The following ARHGEF3 variants were observed in gnomAD, a reference collection of about 807,000 sequenced individuals.
ARHGEF3 encodes the protein 59.8 kDA protein.
A neutral mutation model predicts 63.2 loss-of-function variants in ARHGEF3; 28 were observed. The observed-to-expected ratio is 0.44, with a 90% CI of 0.33 to 0.61. The LOEUF (loss-of-function observed/expected upper bound fraction) is 0.61. Among genes scored for constraint, ARHGEF3 ranks in the 20% least tolerant of loss-of-function variants. The pLI is 0.03. For missense variants in ARHGEF3, 533 were observed against 659.3 expected, an observed-to-expected ratio of 0.81 and a Z score of 2.10; for synonymous variants, 266 against 254.2, an observed-to-expected ratio of 1.05 and a Z score of -0.44.
At chr3:56,941,277 G>A (rs1417158094) in intron 3 of ARHGEF3, among the ~76,000 whole-genome samples, 1 of 152,182 alleles carries the variant, frequency 6.6e-6, no homozygotes, top group Non-Finnish European at 1.5e-5. Flanking sequence ...GCATGATCTT[G>A]GCTCACTGCA....
At chr3:56,898,579 A>T (rs1336444437) in intron 3 of ARHGEF3, 2 of 266,700 alleles carry the variant, frequency 7.5e-6, no homozygotes, top group South Asian at 2.9e-5. Flanking sequence ...CCCCTAAAGC[A>T]GATCCTGGAG....
rs189466348 is a variant in ARHGEF3 at position 57,076,509 on chromosome 3, C to A, written c.-28+2717G>T. On this transcript the variant is annotated intron_variant, in intron 1 of 12. Transcript: ENST00000338458. ...TACAGGGACTACATCTGGTTCTCTG[C>A]CCCCTCTCCTCCAATGGTTCTCTGT... Among the ~76,000 whole-genome samples, 6 of 152,240 alleles carry A rather than the reference C, an allele frequency of 3.9e-5. No homozygotes were observed. The East Asian group carries it at 1.2e-3, about 29-fold the overall frequency.
chr3:56,893,811 C>CAAAAAAAAA (rs537483698), intron 3 of ARHGEF3, among the ~76,000 whole-genome samples: 7 of 79,560 alleles, frequency 8.8e-5, no homozygotes, highest in South Asian at 6.0e-4. Flanking sequence ...GACTCTGTCT[C>CAAAAAAAAA]AAAAAAAAAA....
At chr3:57,075,313 C>G (rs555231216) in intron 1 of ARHGEF3, 17 of 167,286 alleles carry the variant, frequency 1.0e-4, no homozygotes, top group African/African-American at 4.1e-4. Flanking sequence ...GGGATGTAAA[C>G]TCCACAAGGG....
intron 2 of ARHGEF3, among the ~76,000 whole-genome samples, chr3:57,028,701 AAT>A (rs1416916991): frequency 2.7e-4 from 39 of 143,392 alleles, no homozygotes; most frequent in African/African-American, 1.0e-3. Context: ...ATAAAAAAAA[AAT>A]AAATAAATAA....
At chr3:57,011,816 G>C (rs1269975283) in intron 2 of ARHGEF3, among the ~76,000 whole-genome samples, 1 of 152,202 alleles carries the variant, frequency 6.6e-6, no homozygotes, top group East Asian at 1.9e-4. Context: ...GCTTTTGAAA[G>C]TATTTTATCA....
intron 2 of ARHGEF3, among the ~76,000 whole-genome samples, chr3:57,012,264 CTGT>C (rs1176286275): frequency 8.6e-5 from 13 of 152,034 alleles, no homozygotes; most frequent in African/African-American, 2.7e-4. Flanking sequence ...ATTGTTGTTG[CTGT>C]TGTTGTTGTT....
At chr3:56,770,939 C>T (rs1382296329) in intron 2 of ARHGEF3, among the ~76,000 whole-genome samples, 2 of 151,980 alleles carry the variant, frequency 1.3e-5, no homozygotes, top group Non-Finnish European at 2.9e-5. Flanking sequence ...TGGAGAAACA[C>T]CATCTCTACT....
chr3:56,729,310 G>C lies in ARHGEF3; in HGVS notation c.1541C>G (p.Ser514Cys). ...ACCGTGCCTGCTGTTTCCACAGGAAGAGTCTGTCTGTTCCATGCGCTCACA... is the reference window on the plus strand; with the variant it reads ...ACCGTGCCTGCTGTTTCCACAGGAACAGTCTGTCTGTTCCATGCGCTCACA... ...LDCERMEQTD[S>C]SCGNSRHGES... Residue 514 changes from serine (S) to cysteine (C), a missense_variant, in exon 10 of 10, where the codon TCT becomes TGT. By Grantham distance (112) the Ser-to-Cys change is moderately radical. Around this residue, in one of 4 missense-constraint regions of ARHGEF3, gnomAD observed 115 missense variants for 103.4 expected, o/e 1.11. Transcript: ENST00000296315. 6.2e-7 allele frequency: 1 copy of C among 1,614,060 alleles called. No homozygotes were observed. The highest frequency in any genetic ancestry group is 1.1e-5 in the South Asian group (1 of 91,052).
At chr3:56,764,108 C>A (rs2035572395) in intron 2 of ARHGEF3, among the ~76,000 whole-genome samples, 1 of 152,072 alleles carries the variant, frequency 6.6e-6, no homozygotes, top group African/African-American at 2.4e-5. Flanking sequence ...AAATGTCAAA[C>A]CTCAAAGACC....
intron 1 of ARHGEF3, among the ~76,000 whole-genome samples, chr3:57,045,097 T>C (rs905342250): frequency 2.6e-5 from 4 of 152,072 alleles, no homozygotes; most frequent in Non-Finnish European, 5.9e-5. Context: ...TGAAACCTCA[T>C]CTCTACTAAA....
At chr3:57,008,140 C>T (rs1407831424) in intron 2 of ARHGEF3, among the ~76,000 whole-genome samples, 1 of 128,106 alleles carries the variant, frequency 7.8e-6, no homozygotes, top group East Asian at 2.3e-4. Flanking sequence ...CTCTGTTGAG[C>T]CACGCTACAT....
chr3:57,047,100 G>A (rs951642177), intron 1 of ARHGEF3, among the ~76,000 whole-genome samples: 2 of 152,200 alleles, frequency 1.3e-5, no homozygotes, highest in African/African-American at 4.8e-5. Context: ...TGTAATCCCA[G>A]CACTTTGGGA....
At position 56,773,683 on chromosome 3, in the gene ARHGEF3, C is replaced by T. The variant is rs144595534; in HGVS notation, c.204+26G>A. On this transcript the variant is annotated intron_variant, in intron 2 of 9. Coordinates refer to ENST00000296315, the MANE Select transcript of ARHGEF3 (RefSeq NM_019555.3). ...TCCCGTACACCATGATTTTCTGCAA[C>T]CACAGGCCCTGTGTGCCCTTCTTAC... is the stretch of plus-strand genomic sequence containing the variant. 596 of 1,540,658 alleles carry T rather than the reference C, an allele frequency of 3.9e-4. 2 individuals carry two copies. Among genetic ancestry groups the T allele is most frequent in the Middle Eastern group, 1.9e-3 (11 of 5,760 alleles).
intron 1 of ARHGEF3, among the ~76,000 whole-genome samples, chr3:57,051,574 A>G (rs1156575604): frequency 1.3e-5 from 2 of 152,258 alleles, no homozygotes; most frequent in Non-Finnish European, 2.9e-5. Context: ...AACACCAGTG[A>G]ACATTTACTG....
chr3:56,838,820 G>A (rs1416340455), intron 4 of ARHGEF3, among the ~76,000 whole-genome samples: 1 of 152,154 alleles, frequency 6.6e-6, no homozygotes, highest in Non-Finnish European at 1.5e-5. Context: ...TGTCATTTAA[G>A]AAAGGCAAAC....
At chr3:56,916,518 A>T in intron 3 of ARHGEF3, 1 of 1,364,812 alleles carries the variant, frequency 7.3e-7, no homozygotes, top group Non-Finnish European at 9.5e-7. Flanking sequence ...AGAGGCTGAG[A>T]GCCGCACCAG....
At chr3:57,039,047 T>C (rs1704073015) in intron 1 of ARHGEF3, among the ~76,000 whole-genome samples, 1 of 152,326 alleles carries the variant, frequency 6.6e-6, no homozygotes, top group East Asian at 1.9e-4. Flanking sequence ...GTTCTGACTC[T>C]TCAGATGGAA....
chr3:56,936,815 G>A (rs1698929224), intron 3 of ARHGEF3, among the ~76,000 whole-genome samples: 1 of 152,106 alleles, frequency 6.6e-6, no homozygotes, highest in Admixed American at 6.5e-5. Context: ...CAACTCCAGA[G>A]CTCAAGTGAT....
Sources: allele counts gnomAD v4.1 joint callset (sites outside exome capture counted in the v4.1 genomes callset), GRCh38; gene constraint gnomAD v4.1.1; regional missense constraint gnomAD v4.1.1; transcripts MANE v1.5; gene names NCBI Gene and HGNC (gene_info 2026-07-23, HGNC 2026-07-21).